Variants in SYNDIG1 observed in about 807,000 individuals in gnomAD.
SYNDIG1 encodes the protein synapse differentiation-inducing gene protein 1.
Under a neutral mutation model 19.4 loss-of-function variants are expected in SYNDIG1, and 9 were observed. The observed-to-expected ratio is 0.46, with a 90% CI of 0.28 to 0.81. The LOEUF (loss-of-function observed/expected upper bound fraction) is 0.81, where lower values mean the gene tolerates loss of function less well. SYNDIG1 is among the 30% of genes least tolerant of loss of function. The probability of loss-of-function intolerance (pLI) is 0.12; values close to 1 mark genes in which losing one functional copy is unlikely to be tolerated. For synonymous variants in SYNDIG1, 141 were observed against 145.9 expected, an observed-to-expected ratio of 0.97 and a Z score of 0.24; for missense variants, 311 against 343.3, an observed-to-expected ratio of 0.91 and a Z score of 0.74.
In SYNDIG1 at chr20:24,543,436, C is replaced by G. The variant is rs201580296; in HGVS notation, c.339C>G (p.Thr113=). ...GTGTGGCCGCCGACTGCTGCGAGAC[C>G]ACCTTCATCGAGGACCGGTCGCCCA... ...GDGVAADCCE[T]TFIEDRSPTK... is the part of the protein sequence containing the mutation. The change falls in exon 2 of 4, where the codon ACC becomes ACG. Residue 113 remains threonine, a synonymous_variant. Coordinates refer to ENST00000376862, the MANE Select transcript of SYNDIG1 (RefSeq NM_024893.3). The G allele has an allele frequency of 2.5e-4, 407 of 1,613,672 alleles. No homozygotes were observed. The highest frequency in any genetic ancestry group is 3.3e-4 in the Non-Finnish European group (393 of 1,180,036).
rs551690621 is a variant in SYNDIG1 at position 24,602,033 on chromosome 20, T to C, written c.618+17040T>C. ...GTTCTAGAATTCCCATGTGTCTTCT[T>C]TTTCAGATCACCTACAACCCTTCTT... On this transcript the variant is annotated intron_variant, in intron 3 of 3. Coordinates refer to ENST00000376862, the MANE Select transcript of SYNDIG1 (RefSeq NM_024893.3). Among the ~76,000 whole-genome samples the C allele has an allele frequency of 3.3e-5, 5 of 152,310 alleles. No homozygotes were observed. The East Asian group carries it at 9.6e-4, about 29-fold the overall frequency.
rs62215294 is a variant in SYNDIG1 at position 24,571,005 on chromosome 20, G to A, written c.481-13851G>A. Among the ~76,000 whole-genome samples the A allele has an allele frequency of 8.4e-3, 1,284 of 152,306 alleles. 10 individuals are homozygous for A. The highest frequency in any genetic ancestry group is 0.017 in the Admixed American group (265 of 15,302). ...CCTGGATCTCGAGGGTATTGTGCCA[G>A]TGGAAATGGTCAGCCTCAAAAGGTT... On this transcript the variant is annotated intron_variant, in intron 2 of 3. Transcript: ENST00000376862.
At chr20:24,617,235 C>T (rs1333672192) in intron 3 of SYNDIG1, among the ~76,000 whole-genome samples, 2 of 152,156 alleles carry the variant, frequency 1.3e-5, no homozygotes, top group Non-Finnish European at 2.9e-5. Context: ...ACCCTCCAGC[C>T]GTCCCCACCG....
At chr20:24,630,373 T>C (rs1000165302) in intron 3 of SYNDIG1, among the ~76,000 whole-genome samples, 3 of 152,120 alleles carry the variant, frequency 2.0e-5, no homozygotes, top group African/African-American at 7.2e-5. Flanking sequence ...GATCTGAAGT[T>C]TCCTTAGAAA....
chr20:24,608,992 T>A (rs2058805571), intron 3 of SYNDIG1, among the ~76,000 whole-genome samples: 2 of 152,266 alleles, frequency 1.3e-5, no homozygotes, highest in Admixed American at 1.3e-4. Flanking sequence ...GGGTGACAAA[T>A]GAGTCATGGG....
intron 2 of SYNDIG1, among the ~76,000 whole-genome samples, chr20:24,544,278 C>T (rs1211594170): frequency 6.6e-6 from 1 of 152,184 alleles, no homozygotes; most frequent in Admixed American, 6.5e-5. Flanking sequence ...GTGAGAGCAG[C>T]TGCTGCAGGC....
intron 3 of SYNDIG1, among the ~76,000 whole-genome samples, chr20:24,626,748 G>T (rs8118887): frequency 6.6e-6 from 1 of 152,172 alleles, no homozygotes; most frequent in Admixed American, 6.5e-5. Context: ...AGGTTGTAGC[G>T]AGCCGAGATC....
intron 2 of SYNDIG1, among the ~76,000 whole-genome samples, chr20:24,560,185 C>A (rs1239933248): frequency 6.7e-6 from 1 of 149,726 alleles, no homozygotes; most frequent in Non-Finnish European, 1.5e-5. Flanking sequence ...TCTACTGCCT[C>A]AGCCTCCTGA....
chr20:24,641,346 A>G (rs2059375182), intron 3 of SYNDIG1, among the ~76,000 whole-genome samples: 1 of 152,188 alleles, frequency 6.6e-6, no homozygotes, highest in African/African-American at 2.4e-5. Flanking sequence ...TAGCAAAATG[A>G]TAATGGTACA....
intron 3 of SYNDIG1, among the ~76,000 whole-genome samples, chr20:24,624,648 G>A (rs919085044): frequency 6.6e-6 from 1 of 152,178 alleles, no homozygotes; most frequent in Non-Finnish European, 1.5e-5. Context: ...GAAAAGTAGT[G>A]AAGATATAAA....
intron 1 of SYNDIG1, among the ~76,000 whole-genome samples, chr20:24,525,466 T>G (rs1327396884): frequency 2.6e-5 from 4 of 152,172 alleles, no homozygotes; most frequent in Non-Finnish European, 4.4e-5. Context: ...TTATTTTTAG[T>G]AGAGACGGGG....
intron 2 of SYNDIG1, among the ~76,000 whole-genome samples, chr20:24,560,193 T>C (rs767031038): frequency 8.7e-5 from 13 of 149,434 alleles, no homozygotes; most frequent in Non-Finnish European, 1.5e-4. Flanking sequence ...CTCAGCCTCC[T>C]GAGTAGCTGG....
intron 2 of SYNDIG1, among the ~76,000 whole-genome samples, chr20:24,583,771 T>C (rs78071694): frequency 0.01 from 1,568 of 152,188 alleles, 11 homozygotes; most frequent in Middle Eastern, 0.017. Context: ...TTTTCAAAAA[T>C]TACTATGGAA....
At chr20:24,470,217 G>T (rs1325498794) in intron 1 of SYNDIG1, among the ~76,000 whole-genome samples, 2 of 152,222 alleles carry the variant, frequency 1.3e-5, no homozygotes, top group African/African-American at 4.8e-5. Flanking sequence ...TGACCCGAAG[G>T]AGACCAGCCA....
intron 3 of SYNDIG1, among the ~76,000 whole-genome samples, chr20:24,641,010 T>C (rs1465981096): frequency 6.6e-6 from 1 of 152,236 alleles, no homozygotes; most frequent in African/African-American, 2.4e-5. Context: ...CTGCCCTTCC[T>C]GTCCTAGCTC....
At chr20:24,631,704 ATTC>A (rs2059246763) in intron 3 of SYNDIG1, among the ~76,000 whole-genome samples, 1 of 152,210 alleles carries the variant, frequency 6.6e-6, no homozygotes, top group African/African-American at 2.4e-5. Context: ...AATTTCAAAA[ATTC>A]TTCTTGCTGA....
chr20:24,551,268 G>C (rs2057701707), intron 2 of SYNDIG1, among the ~76,000 whole-genome samples: 1 of 152,134 alleles, frequency 6.6e-6, no homozygotes, highest in Non-Finnish European at 1.5e-5. Flanking sequence ...CACCTAATTT[G>C]TTGGCATGAA....
intron 3 of SYNDIG1, among the ~76,000 whole-genome samples, chr20:24,602,697 C>A (rs1415290713): frequency 6.6e-6 from 1 of 152,184 alleles, no homozygotes; most frequent in Non-Finnish European, 1.5e-5. Flanking sequence ...ATCTTCTTAC[C>A]TCTTTAATGC....
intron 1 of SYNDIG1, among the ~76,000 whole-genome samples, chr20:24,530,483 G>A (rs1259072664): frequency 6.6e-6 from 1 of 152,212 alleles, no homozygotes; most frequent in African/African-American, 2.4e-5. Context: ...CCAAATCACA[G>A]GCTTTTCTGT....
Sources: allele counts gnomAD v4.1 joint callset (sites outside exome capture counted in the v4.1 genomes callset), GRCh38; gene constraint gnomAD v4.1.1; transcripts MANE v1.5; gene names NCBI Gene and HGNC (gene_info 2026-07-23, HGNC 2026-07-21).